The following NTRK2 variants were observed in gnomAD, a reference collection of about 807,000 sequenced individuals.
NTRK2 encodes neurotrophic receptor tyrosine kinase 2, also known as BDNF/NT-3 growth factors receptor.
NTRK2 carries 13 observed loss-of-function variants against 94.5 expected under a neutral mutation model. The observed-to-expected ratio is 0.14, with a 90% CI of 0.09 to 0.22. The LOEUF is 0.22. Ranked by LOEUF, NTRK2 falls within the 10% of genes least tolerant of loss-of-function variation. NTRK2 has a pLI of 1.00. For missense variants in NTRK2, 639 were observed against 1,071.2 expected (o/e 0.60, Z 5.63); for synonymous variants, 372 against 407.4 (o/e 0.91, Z 1.05).
intron 14 of NTRK2, among the ~76,000 whole-genome samples, chr9:84,933,313 A>C (rs1464810754): frequency 6.6e-6 from 1 of 152,170 alleles, no homozygotes; most frequent in Non-Finnish European, 1.5e-5. Flanking sequence ...CCTGTCCTCC[A>C]TGACCTCTGT....
chr9:84,941,278 G>A (rs973348080), intron 15 of NTRK2, among the ~76,000 whole-genome samples: 3 of 152,208 alleles, frequency 2.0e-5, no homozygotes, highest in African/African-American at 7.2e-5. Context: ...GTAAGATAGA[G>A]AGTTAGGCAT....
chr9:84,709,961 CTGTG>C (rs35954183), intron 5 of NTRK2, among the ~76,000 whole-genome samples: 4,634 of 115,278 alleles, frequency 0.04, 94 homozygotes, highest in Admixed American at 0.083. Context: ...ATAGCTTGCT[CTGTG>C]TGTGTGTGTG....
chr9:84,924,515 G>A (rs1284067620), intron 14 of NTRK2, among the ~76,000 whole-genome samples: 1 of 152,160 alleles, frequency 6.6e-6, no homozygotes, highest in Non-Finnish European at 1.5e-5. Flanking sequence ...TTGTTCCAGC[G>A]GGGAGAGCTG....
intron 14 of NTRK2, among the ~76,000 whole-genome samples, chr9:84,887,703 A>G (rs1254898250): frequency 1.3e-5 from 2 of 152,338 alleles, no homozygotes; most frequent in African/African-American, 4.8e-5. Flanking sequence ...CTCTGCCTCC[A>G]GGGACAGCAG....
At chr9:84,975,139 G>C (rs1383154387) in intron 17 of NTRK2, among the ~76,000 whole-genome samples, 1 of 152,130 alleles carries the variant, frequency 6.6e-6, no homozygotes, top group Non-Finnish European at 1.5e-5. Context: ...GCAGTTCTCA[G>C]AGGAAGGAAG....
intron 12 of NTRK2, chr9:84,815,463 A>G (rs987465064): frequency 9.6e-7 from 1 of 1,042,504 alleles, no homozygotes; most frequent in Non-Finnish European, 1.2e-6. Context: ...CACGCACTTC[A>G]TGTTCAACCA....
At chr9:84,722,481 G>A (rs999891316) in intron 6 of NTRK2, among the ~76,000 whole-genome samples, 4 of 152,134 alleles carry the variant, frequency 2.6e-5, no homozygotes, top group African/African-American at 9.7e-5. Context: ...TTTAACGGCT[G>A]TTGAAAATGA....
Position 84,670,486 on chromosome 9 carries a change from G to T in NTRK2, c.-263G>T. The T allele has an allele frequency of 2.0e-6, 1 of 504,524 alleles. No homozygotes were observed. The highest frequency in any genetic ancestry group is 3.4e-5 in the Admixed American group (1 of 29,698). 31.3% of individuals were successfully genotyped at this position (504,524 alleles called of 1,614,324 possible). ...CCGGCGCGCCGGGCCATGCAGCGAC[G>T]GCCGCCGCGGAGCTCCGAGCAGCGG... is the stretch of plus-strand genomic sequence containing the variant. On this transcript the variant is annotated 5_prime_UTR_variant, in exon 2 of 19. Transcript: ENST00000277120.
intron 11 of NTRK2, among the ~76,000 whole-genome samples, chr9:84,749,248 C>A (rs1005838630): frequency 1.3e-5 from 2 of 151,976 alleles, no homozygotes; most frequent in Non-Finnish European, 2.9e-5. Flanking sequence ...AAAGTCTATA[C>A]TCAAACATTT....
At position 84,780,787 on chromosome 9, in the gene NTRK2, A is replaced by G. The variant is rs1335077685; in HGVS notation, c.1396+28702A>G. ...CTTGATTAGGTCTCAGTTAAGAGCT[A>G]GTATATTAGATGGTTATACATGGAA... On this transcript the variant is annotated intron_variant, in intron 12 of 18. Transcript: ENST00000277120. Among the ~76,000 whole-genome samples the G allele has an allele frequency of 3.9e-5, 6 of 152,342 alleles. No individual in the cohort carries two copies. The East Asian group carries it at 5.8e-4, about 15-fold the overall frequency.
At chr9:84,739,787 G>A (rs542036174) in intron 9 of NTRK2, among the ~76,000 whole-genome samples, 1 of 152,340 alleles carries the variant, frequency 6.6e-6, no homozygotes, top group East Asian at 1.9e-4. Flanking sequence ...ATGTGGCTGG[G>A]AGTGTCCCCG....
chr9:84,829,250 T>C (rs1393212528), intron 12 of NTRK2, among the ~76,000 whole-genome samples: 1 of 152,128 alleles, frequency 6.6e-6, no homozygotes. Flanking sequence ...CCGCCTGCCT[T>C]GGCCTCCCAA....
At chr9:84,876,977 A>G in intron 14 of NTRK2, 1 of 1,061,042 alleles carries the variant, frequency 9.4e-7, no homozygotes, top group Non-Finnish European at 1.1e-6. Flanking sequence ...GAAAACACTC[A>G]TTTTCTTAGT....
intron 12 of NTRK2, among the ~76,000 whole-genome samples, chr9:84,844,649 TCACACACACACACACACACA>T (rs10562034): frequency 7.1e-6 from 1 of 140,822 alleles, no homozygotes; most frequent in Non-Finnish European, 1.5e-5. Context: ...AATACCTCAC[TCACACACACACACACACACA>T]CACACACACA....
chr9:84,774,249 T>A (rs1315872649), intron 12 of NTRK2, among the ~76,000 whole-genome samples: 1 of 152,100 alleles, frequency 6.6e-6, no homozygotes, highest in Non-Finnish European at 1.5e-5. Context: ...ATGGACAAAG[T>A]CAGAAACGAG....
chr9:84,730,359 G>T (rs1201192602), intron 9 of NTRK2, among the ~76,000 whole-genome samples: 4 of 152,162 alleles, frequency 2.6e-5, no homozygotes, highest in Non-Finnish European at 5.9e-5. Flanking sequence ...TAGAATCGTT[G>T]TGGGTATTTA....
chr9:84,759,252 T>G (rs2065337505), intron 12 of NTRK2, among the ~76,000 whole-genome samples: 1 of 152,248 alleles, frequency 6.6e-6, no homozygotes, highest in Admixed American at 6.5e-5. Context: ...CTTTTTAAAG[T>G]CTCTTACTTC....
chr9:85,005,492 A>G (rs1830855237), intron 17 of NTRK2, among the ~76,000 whole-genome samples: 1 of 152,188 alleles, frequency 6.6e-6, no homozygotes, highest in African/African-American at 2.4e-5. Context: ...ATATTATGTA[A>G]TGTGCCTTAA....
chr9:84,723,840 A>T lies in NTRK2; in HGVS notation c.720+131A>T, dbSNP rs913072097. The T allele has an allele frequency of 3.9e-6, 5 of 1,270,850 alleles. No individual in the cohort carries two copies. In the Admixed American group the frequency reaches 8.6e-5, roughly 22 times the overall value. The allele number at this position is 1,270,850 out of a possible 1,614,324, so 78.7% of individuals were successfully genotyped here. A position where few individuals can be genotyped will look rare whatever the true frequency, so the allele number is the denominator to read the frequency against. On this transcript the variant is annotated intron_variant, in intron 7 of 18. Coordinates refer to ENST00000277120, the MANE Select transcript of NTRK2 (RefSeq NM_006180.6). ...TATAGAAATTTACAAAGAGTTTTTGATGTACATTCACTTTCTACTTATTCT... is the reference window on the plus strand; with the variant it reads ...TATAGAAATTTACAAAGAGTTTTTGTTGTACATTCACTTTCTACTTATTCT...
Sources: gnomAD v4.1 joint callset for allele counts (sites outside exome capture counted in the v4.1 genomes callset) on GRCh38, gnomAD v4.1.1 for gene constraint, MANE v1.5 for transcripts, NCBI Gene and HGNC (gene_info 2026-07-23, HGNC 2026-07-21) for gene names.